The following TEAD4 variants were observed in gnomAD, a reference collection of about 807,000 sequenced individuals.
TEAD4 encodes the protein transcriptional enhancer factor TEF-3.
TEAD4 carries 36 observed loss-of-function variants against 52.4 expected under a neutral mutation model. That is an observed-to-expected ratio of 0.69 (90% CI 0.53 to 0.91). The LOEUF (loss-of-function observed/expected upper bound fraction) is 0.91. Ranked by LOEUF, TEAD4 falls within the 40% of genes least tolerant of loss-of-function variation. The probability of loss-of-function intolerance (pLI) is 0.00; values close to 1 mark genes in which losing one functional copy is unlikely to be tolerated. For missense variants in TEAD4, 508 were observed against 583.9 expected (o/e 0.87, Z 1.34); for synonymous variants, 220 against 231.0 (o/e 0.95, Z 0.43).
intron 2 of TEAD4, among the ~76,000 whole-genome samples, chr12:2,985,678 G>C (rs1214157559): frequency 2.0e-5 from 3 of 151,348 alleles, no homozygotes; most frequent in African/African-American, 7.2e-5. Context: ...GCTAATTTTT[G>C]TATTTTTAGT....
At chr12:3,012,353 G>A (rs2098260981) in intron 5 of TEAD4, 121 bp downstream of exon 5, 7 of 1,123,066 alleles carry the variant, frequency 6.2e-6, no homozygotes, top group Middle Eastern at 2.7e-4. Context: ...TCTCTGTTGA[G>A]GAGAGCCAGG....
In TEAD4 at chr12:3,038,017, T is replaced by C. The variant is rs774546561; in HGVS notation, c.947T>C (p.Val316Ala). The C allele has an allele frequency of 6.2e-6, 10 of 1,613,754 alleles. No homozygotes were observed. The Admixed American group carries it at 1.7e-4, about 27-fold the overall frequency. ...GATGAAGGCAGCTCCTTCTATGGGGTCTCCAGCCAGTATGAGAGCCCCGAG... is the reference window on the plus strand; with the variant it reads ...GATGAAGGCAGCTCCTTCTATGGGGCCTCCAGCCAGTATGAGAGCCCCGAG... Residue 316 changes from valine to alanine, a missense_variant, in exon 11 of 13, where the codon GTC (valine) becomes GCC (alanine). By Grantham distance (64) the Val-to-Ala change is moderately conservative (BLOSUM62 0). Transcript: ENST00000359864.
At chr12:3,033,556 C>T (rs1483128702) in intron 10 of TEAD4, among the ~76,000 whole-genome samples, 1 of 152,226 alleles carries the variant, frequency 6.6e-6, no homozygotes, top group Non-Finnish European at 1.5e-5. Flanking sequence ...CCATCTCAGC[C>T]TGCTCTTCCC....
intron 2 of TEAD4, among the ~76,000 whole-genome samples, chr12:2,977,184 G>C (rs969180979): frequency 6.6e-6 from 1 of 152,196 alleles, no homozygotes; most frequent in Non-Finnish European, 1.5e-5. Flanking sequence ...CTGAGGATTA[G>C]AGTAGCTTGC....
chr12:2,994,898 C>G lies in TEAD4; in HGVS notation c.132C>G (p.Ser44Arg), dbSNP rs751357181. 1 of 1,614,176 alleles carries G rather than the reference C, an allele frequency of 6.2e-7. No homozygotes were observed. The highest frequency in any genetic ancestry group is 8.5e-7 in the Non-Finnish European group (1 of 1,180,040). ...ACAATGACGCAGAGGGCGTGTGGAG[C>G]CCGGATATTGAGCAGAGTTTCCAGG... The change falls in exon 3 of 13, where the codon AGC becomes AGG. Residue 44 changes from serine to arginine, a missense_variant. Transcript: ENST00000359864. This position sits in a 1 kb window ranked among gnomAD's most constrained non-coding sequence, Gnocchi z 4.7.
chr12:3,019,052 G>T (rs1378571715), intron 7 of TEAD4, 63 bp from the exon 8 acceptor site: 5 of 1,593,938 alleles, frequency 3.1e-6, no homozygotes, highest in Non-Finnish European at 4.3e-6. Flanking sequence ...ACTGGACCCA[G>T]TGCAGGGATC....
chr12:2,994,977 G>A lies in TEAD4; in HGVS notation c.211G>A (p.Glu71Lys), dbSNP rs1295766311. The stretch of plus-strand genomic sequence containing the variant: ...CAGGCGCAAAATCATCCTGTCGGAC[G>A]AGGGCAAGATGTATGGTAAGGAGCC... Residue 71 changes from glutamate (E) to lysine (K), a missense_variant, in exon 3 of 13, where the codon GAG becomes AAG. Physicochemically the swap from Glu to Lys is moderately conservative, Grantham distance 56. Transcript: ENST00000359864. This position sits in a 1 kb window ranked among gnomAD's most constrained non-coding sequence, Gnocchi z 4.7. The A allele has an allele frequency of 3.7e-6, 6 of 1,613,880 alleles. No homozygotes were observed. Among genetic ancestry groups the A allele is most frequent in the East Asian group, 2.2e-5 (1 of 44,870 alleles).
chr12:3,017,265 C>A, intron 5 of TEAD4, 133 bp from the exon 6 acceptor site: 2 of 1,204,206 alleles, frequency 1.7e-6, no homozygotes, highest in Non-Finnish European at 2.4e-6. Flanking sequence ...TAGCACGGCA[C>A]AGACTTAACG....
In TEAD4 at chr12:2,966,556, A is replaced by G. The variant is rs543631552; in HGVS notation, c.-30+6516A>G. Among the ~76,000 whole-genome samples the G allele has an allele frequency of 9.3e-5, 14 of 151,184 alleles. No individual in the cohort carries two copies. In the South Asian group the frequency reaches 2.1e-3, roughly 23 times the overall value. ...CTCCCAAGTAGCTGGGATTACAAGC[A>G]CACGCCACCATGCCCAGCTAATTTT... On this transcript the variant is annotated intron_variant, in intron 2 of 12. Transcript: ENST00000359864.
chr12:2,972,384 G>A (rs2098225878), intron 2 of TEAD4, among the ~76,000 whole-genome samples: 6 of 151,804 alleles, frequency 4.0e-5, no homozygotes, highest in Admixed American at 3.9e-4. Flanking sequence ...ACCCGGCCAA[G>A]TGGGTTTTAT....
chr12:3,013,152 AT>A (rs1179330397), intron 5 of TEAD4, among the ~76,000 whole-genome samples: 1 of 149,946 alleles, frequency 6.7e-6, no homozygotes, highest in African/African-American at 2.4e-5. Context: ...AGGTCTCCCT[AT>A]TTTGCCTGAG....
chr12:2,989,167 T>C (rs1463293522), intron 2 of TEAD4, among the ~76,000 whole-genome samples: 1 of 152,082 alleles, frequency 6.6e-6, no homozygotes, highest in African/African-American at 2.4e-5. Context: ...TGGGATCTCC[T>C]GGCTTCAAGC....
At chr12:2,992,627 C>T (rs28479977) in intron 2 of TEAD4, among the ~76,000 whole-genome samples, 9,140 of 152,142 alleles carry the variant, frequency 0.06, 636 homozygotes, top group East Asian at 0.18. Context: ...TTTAGACCCC[C>T]AGCCTGGGTT....
At chr12:2,975,678 G>A (rs1446375465) in intron 2 of TEAD4, among the ~76,000 whole-genome samples, 1 of 151,566 alleles carries the variant, frequency 6.6e-6, no homozygotes, top group African/African-American at 2.4e-5. Flanking sequence ...ATGAGCCACC[G>A]TGCCCAGCCA....
chr12:2,970,913 A>G (rs913015237), intron 2 of TEAD4, among the ~76,000 whole-genome samples: 1 of 152,212 alleles, frequency 6.6e-6, no homozygotes, highest in Admixed American at 6.5e-5. Flanking sequence ...GGTTGAAGCA[A>G]TAGTTGCTGC....
chr12:2,961,241 G>A (rs1357472566), intron 2 of TEAD4, among the ~76,000 whole-genome samples: 1 of 152,042 alleles, frequency 6.6e-6, no homozygotes, highest in African/African-American at 2.4e-5. Flanking sequence ...AACTCTCCTC[G>A]GAGCTGACCA....
At chr12:3,013,587 A>C (rs974703888) in intron 5 of TEAD4, among the ~76,000 whole-genome samples, 2 of 152,208 alleles carry the variant, frequency 1.3e-5, no homozygotes, top group Non-Finnish European at 2.9e-5. Context: ...TATAAAAATT[A>C]GCCAGGTGTG....
At position 3,011,077 on chromosome 12, in the gene TEAD4, C is replaced by G; in HGVS notation, c.291+9C>G. ...CCCGCACCAGGAAGCAGGTGGGCCT[C>G]AAGAGACGGGTAGGGGTCCCGGGGG... On this transcript the variant is annotated intron_variant, in intron 4 of 12. Transcript: ENST00000359864. 6.2e-7 allele frequency: 1 copy of G among 1,614,122 alleles called. No individual in the cohort carries two copies. Among genetic ancestry groups the G allele is most frequent in the Non-Finnish European group, 8.5e-7 (1 of 1,180,002 alleles).
Position 3,011,086 on chromosome 12 carries a change from G to C in TEAD4, c.291+18G>C. On this transcript the variant is annotated intron_variant, in intron 4 of 12. Coordinates refer to ENST00000359864, the MANE Select transcript of TEAD4 (RefSeq NM_003213.4). ...GGAAGCAGGTGGGCCTCAAGAGACG[G>C]GTAGGGGTCCCGGGGGTGGTACCCC... 1 of 1,613,976 alleles carries C rather than the reference G, an allele frequency of 6.2e-7. No homozygotes were observed. The highest frequency in any genetic ancestry group is 8.5e-7 in the Non-Finnish European group (1 of 1,179,924).
Sources: allele counts gnomAD v4.1 joint callset (sites outside exome capture counted in the v4.1 genomes callset), GRCh38; gene constraint gnomAD v4.1.1; non-coding constraint Gnocchi (gnomAD v3.1); transcripts MANE v1.5; gene names NCBI Gene and HGNC (gene_info 2026-07-23, HGNC 2026-07-21).